TBX19: variants seen among roughly 807,000 people sequenced by gnomAD.
The protein encoded by TBX19 is T-box transcription factor TBX19.
A neutral mutation model predicts 40.9 loss-of-function variants in TBX19; 33 were observed. That is an observed-to-expected ratio of 0.81 (90% CI 0.61 to 1.08). The LOEUF is 1.08. Among genes scored for constraint, TBX19 ranks in the 50% least tolerant of loss-of-function variants. TBX19 has a pLI of 0.00. For missense variants in TBX19, 494 were observed against 574.0 expected, an observed-to-expected ratio of 0.86 and a Z score of 1.42; for synonymous variants, 220 against 225.0, an observed-to-expected ratio of 0.98 and a Z score of 0.20.
chr1:168,298,888 TTTC>T (rs1649196738), intron 4 of TBX19, among the ~76,000 whole-genome samples: 1 of 125,474 alleles, frequency 8.0e-6, no homozygotes, highest in Non-Finnish European at 1.6e-5. Context: ...TCTTTCTTTC[TTTC>T]TTTCTTTCTC....
rs191037614 is a variant in TBX19 at position 168,306,446 on chromosome 1, C to T, written c.916+1250C>T. On this transcript the variant is annotated intron_variant, in intron 6 of 7. Coordinates refer to ENST00000367821, the MANE Select transcript of TBX19 (RefSeq NM_005149.3). ...TTCGAGAGTAGCCTGGCCAACATGG[C>T]GAAACCCCGTCTCTACTAAAAATAC... is the stretch of plus-strand genomic sequence containing the variant. Among the ~76,000 whole-genome samples, 753 of 151,740 alleles carry T rather than the reference C, an allele frequency of 5.0e-3. 5 individuals are homozygous for T. The highest frequency in any genetic ancestry group is 0.017 in the African/African-American group (696 of 41,364).
Position 168,313,322 on chromosome 1 carries a change from C to T in TBX19, c.*320C>T, listed in dbSNP as rs1403300077. 9 of 412,730 alleles carry T rather than the reference C, an allele frequency of 2.2e-5. No homozygotes were observed. In the East Asian group the frequency reaches 4.8e-4, roughly 22 times the overall value. 25.6% of individuals were successfully genotyped at this position (412,730 alleles called of 1,614,324 possible). On this transcript the variant is annotated 3_prime_UTR_variant, in exon 8 of 8. Transcript: ENST00000367821. Reference sequence around the variant, plus strand: ...TCTCAAATCGTTCTGGAAAGCCTCACTTCCTTTTCTGTGGAGAAGGTGCAA... The same window carrying T: ...TCTCAAATCGTTCTGGAAAGCCTCATTTCCTTTTCTGTGGAGAAGGTGCAA...
Position 168,305,110 on chromosome 1 carries a change from A to G in TBX19, c.830A>G (p.His277Arg), listed in dbSNP as rs1335117075. 6.2e-7 allele frequency: 1 copy of G among 1,614,122 alleles called. No homozygotes were observed. Among genetic ancestry groups the G allele is most frequent in the Non-Finnish European group, 8.5e-7 (1 of 1,180,016 alleles). Reference protein sequence around the residue: ...PLPLPAPHTHHGCEHYSGLRG... With the variant: ...PLPLPAPHTHRGCEHYSGLRG... ...CCTCTGCCTGCTCCCCACACCCACC[A>G]TGGCTGTGAGCACTATTCGGGTCTC... is the stretch of plus-strand genomic sequence containing the variant. Residue 277 changes from histidine to arginine, a missense_variant, in exon 6 of 8, where the codon CAT becomes CGT. Physicochemically the swap from His to Arg is conservative, Grantham distance 29. Transcript: ENST00000367821.
Position 168,286,104 on chromosome 1 carries a change from A to G in TBX19, c.203+4811A>G, listed in dbSNP as rs535638868. Among the ~76,000 whole-genome samples, 4 of 152,382 alleles carry G rather than the reference A, an allele frequency of 2.6e-5. No individual in the cohort carries two copies. In the South Asian group the frequency reaches 8.3e-4, roughly 32 times the overall value. On this transcript the variant is annotated intron_variant, in intron 1 of 7. Coordinates refer to ENST00000367821, the MANE Select transcript of TBX19 (RefSeq NM_005149.3). ...TCAGTTTATTTACGTAGTGATAAAAACAAAAAATAATTATAAAGTTCTTGG... is the reference window on the plus strand; with the variant it reads ...TCAGTTTATTTACGTAGTGATAAAAGCAAAAAATAATTATAAAGTTCTTGG...
In TBX19 at chr1:168,298,135, G is replaced by A. The variant is rs1039564954; in HGVS notation, c.665+350G>A. 2.6e-5 allele frequency among the ~76,000 whole-genome samples: 4 copies of A among 152,330 alleles called. No individual in the cohort carries two copies. The East Asian group carries it at 5.8e-4, about 22-fold the overall frequency. On this transcript the variant is annotated intron_variant, in intron 4 of 7. Transcript: ENST00000367821. The stretch of plus-strand genomic sequence containing the variant: ...GGCGTGAACCCGGGAGGCGGAGCTT[G>A]CAGTGAGCCGAGATGGCGCCACTGC...
At chr1:168,293,562 T>G (rs1443627938) in intron 3 of TBX19, among the ~76,000 whole-genome samples, 1 of 152,044 alleles carries the variant, frequency 6.6e-6, no homozygotes, top group Non-Finnish European at 1.5e-5. Context: ...TCTGGAGTCT[T>G]TGTTGTCAGG....
intron 4 of TBX19, among the ~76,000 whole-genome samples, chr1:168,298,800 CCCCTCCCT>C (rs760506246): frequency 1.2e-4 from 1 of 8,036 alleles, no homozygotes; most frequent in Non-Finnish European, 2.6e-4. Flanking sequence ...CTCCTCTCCT[CCCCTCCCT>C]CCCTCCCTCC....
intron 7 of TBX19, among the ~76,000 whole-genome samples, chr1:168,312,349 G>C (rs1649545932): frequency 6.6e-6 from 1 of 152,196 alleles, no homozygotes; most frequent in African/African-American, 2.4e-5. Context: ...TGGCCAGGGA[G>C]AGATCATATG....
intron 6 of TBX19, among the ~76,000 whole-genome samples, chr1:168,306,254 C>T (rs1175306937): frequency 1.3e-5 from 2 of 152,180 alleles, no homozygotes; most frequent in Admixed American, 1.3e-4. Flanking sequence ...TTCTTTCCTG[C>T]GGTCAGCATC....
intron 5 of TBX19, among the ~76,000 whole-genome samples, chr1:168,302,403 C>A (rs1295870378): frequency 6.6e-6 from 1 of 152,140 alleles, no homozygotes; most frequent in African/African-American, 2.4e-5. Flanking sequence ...ATTGCCGAAG[C>A]CCAGGTGACA....
At position 168,291,521 on chromosome 1, in the gene TBX19, C is replaced by T. The variant is rs943961625; in HGVS notation, c.468+97C>T. 1.6e-5 allele frequency: 25 copies of T among 1,533,700 alleles called. No individual in the cohort carries two copies. In the Admixed American group the frequency reaches 4.1e-4, roughly 25 times the overall value. ...GTGCATTTAGGCAATTAGAGGTGTC[C>T]TCACCAGCCTCTTCTCCCACAGAAG... is the stretch of plus-strand genomic sequence containing the variant. On this transcript the variant is annotated intron_variant, in intron 2 of 7. Transcript: ENST00000367821.
In TBX19 at chr1:168,300,494, T is replaced by C; in HGVS notation, c.727+11T>C. 1 of 1,613,910 alleles carries C rather than the reference T, an allele frequency of 6.2e-7. No homozygotes were observed. The highest frequency in any genetic ancestry group is 8.5e-7 in the Non-Finnish European group (1 of 1,179,908). Reference sequence around the variant, plus strand: ...TGACCTATTCTCACTGTGAGTTGGGTGTACATGAGGCGGGAGGTGCGTGGG... The same window carrying C: ...TGACCTATTCTCACTGTGAGTTGGGCGTACATGAGGCGGGAGGTGCGTGGG... On this transcript the variant is annotated intron_variant, in intron 5 of 7. Transcript: ENST00000367821.
chr1:168,312,969 TG>T lies in TBX19; in HGVS notation c.1317del (p.His440ThrfsTer25). On this transcript the variant is annotated frameshift_variant, in exon 8 of 8. Transcript: ENST00000367821. LOFTEE classifies it high-confidence loss of function. ...CGGGCTGGGGTGGCCCAGGAGCGGG[TG>T]GGCACCATTCTCCTTCCTCACTGGA... is the stretch of plus-strand genomic sequence containing the variant. ...FAGWGGPGAG[G>X]HHSPSSLDG The T allele has an allele frequency of 6.2e-7, 1 of 1,614,120 alleles. No homozygotes were observed. Among genetic ancestry groups the T allele is most frequent in the Non-Finnish European group, 8.5e-7 (1 of 1,180,016 alleles).
intron 5 of TBX19, among the ~76,000 whole-genome samples, chr1:168,304,514 A>G (rs555863645): frequency 1.3e-5 from 2 of 152,366 alleles, no homozygotes; most frequent in Middle Eastern, 3.4e-3. Context: ...AAAGTTGCGT[A>G]TATTGTAAAG....
chr1:168,308,973 T>C (rs769214969), intron 7 of TBX19, 96 bp downstream of exon 7: 556 of 1,553,942 alleles, frequency 3.6e-4, no homozygotes, highest in Non-Finnish European at 4.6e-4. Context: ...GGTGGCTTGG[T>C]CTAACCTATT....
intron 1 of TBX19, among the ~76,000 whole-genome samples, chr1:168,287,891 G>T (rs1463877904): frequency 6.9e-6 from 1 of 144,090 alleles, no homozygotes; most frequent in African/African-American, 2.7e-5. Context: ...GAAAGGAAAA[G>T]AGAGTAAAAA....
At chr1:168,284,238 G>A (rs1370177948) in intron 1 of TBX19, among the ~76,000 whole-genome samples, 1 of 152,058 alleles carries the variant, frequency 6.6e-6, no homozygotes, top group Non-Finnish European at 1.5e-5. Flanking sequence ...AGATATAACA[G>A]TAATAAGTAT....
At chr1:168,299,119 C>T (rs1649213818) in intron 4 of TBX19, among the ~76,000 whole-genome samples, 1 of 151,430 alleles carries the variant, frequency 6.6e-6, no homozygotes, top group African/African-American at 2.4e-5. Flanking sequence ...AGGGTTTTGC[C>T]ATGTTGGCCA....
chr1:168,288,012 G>T (rs528166668), intron 1 of TBX19, among the ~76,000 whole-genome samples: 3 of 151,940 alleles, frequency 2.0e-5, no homozygotes, highest in Non-Finnish European at 4.4e-5. Flanking sequence ...GACTTAAGTT[G>T]TATTTCACTT....
Sources: gnomAD v4.1 joint callset for allele counts (sites outside exome capture counted in the v4.1 genomes callset) on GRCh38, gnomAD v4.1.1 for gene constraint, MANE v1.5 for transcripts, NCBI Gene and HGNC (gene_info 2026-07-23, HGNC 2026-07-21) for gene names.